The following NLRP8 variants were observed in gnomAD, a reference collection of about 807,000 sequenced individuals.
NLRP8 encodes the protein NLR family pyrin domain containing 8, also known as NACHT, LRR and PYD domains-containing protein 8.
In NLRP8, 86 loss-of-function variants were observed where a neutral mutation model predicts 88.7. The observed-to-expected ratio is 0.97, with a 90% CI of 0.81 to 1.16. The LOEUF (loss-of-function observed/expected upper bound fraction) is 1.16, where lower values mean the gene tolerates loss of function less well. NLRP8 is among the 50% of genes most tolerant of loss of function. The probability of loss-of-function intolerance (pLI) is 0.00; values close to 1 mark genes in which losing one functional copy is unlikely to be tolerated. For missense variants in NLRP8, 1,342 were observed against 1,286.5 expected, an observed-to-expected ratio of 1.04 and a Z score of -0.66; for synonymous variants, 504 against 494.6, an observed-to-expected ratio of 1.02 and a Z score of -0.25.
At chr19:55,977,071 C>A (rs1273176202) in intron 8 of NLRP8, among the ~76,000 whole-genome samples, 1 of 142,030 alleles carries the variant, frequency 7.0e-6, no homozygotes, top group Non-Finnish European at 1.5e-5. Context: ...CAGAGTGAGA[C>A]TCTGTCTCAA....
rs1288343245 is a variant in NLRP8 at position 55,970,465 on chromosome 19, A to G, written c.2382-79A>G. On this transcript the variant is annotated intron_variant, in intron 5 of 9. Transcript: ENST00000291971. ...TCTCTGCTGTGAAGACTGAGACATG[A>G]GACAGTGGAATCCAGGAGGTCCTAC... 2.0e-6 allele frequency: 3 copies of G among 1,494,236 alleles called. No individual in the cohort carries two copies. The African/African-American group carries it at 4.2e-5, about 21-fold the overall frequency. The allele number at this position is 1,494,236 out of a possible 1,614,324, so 92.6% of individuals were successfully genotyped here.
rs1264602164 is a variant in NLRP8 at position 55,986,462 on chromosome 19, ACTCT to A, written c.3048-1348_3048-1345del. Among the ~76,000 whole-genome samples the A allele has an allele frequency of 3.0e-3, 133 of 44,970 alleles. 1 individual carries two copies. The highest frequency in any genetic ancestry group is 0.013 in the Admixed American group (49 of 3,640). 29.5% of individuals were successfully genotyped at this position (44,970 alleles called of 152,430 possible). Reference sequence around the variant, plus strand: ...CATGCACTCTCTCTCTCACACACACACTCTCTCACATACACACACACACACACAC... The same window carrying A: ...CATGCACTCTCTCTCTCACACACACACTCACATACACACACACACACACAC... On this transcript the variant is annotated intron_variant, in intron 9 of 9. Coordinates refer to ENST00000291971, the MANE Select transcript of NLRP8 (RefSeq NM_176811.2).
intron 9 of NLRP8, among the ~76,000 whole-genome samples, chr19:55,982,661 G>C (rs751864838): frequency 2.6e-5 from 4 of 152,206 alleles, no homozygotes; most frequent in Non-Finnish European, 5.9e-5. Flanking sequence ...AGAACAATGG[G>C]GGCCAGGCCA....
chr19:55,953,357 AATAG>A (rs956986849), intron 2 of NLRP8, among the ~76,000 whole-genome samples: 2 of 152,184 alleles, frequency 1.3e-5, no homozygotes, highest in African/African-American at 4.8e-5. Flanking sequence ...ATGTAATAAT[AATAG>A]AAATAAAGTA....
chr19:55,962,176 C>G lies in NLRP8; in HGVS notation c.2152C>G (p.Pro718Ala). Residue 718 changes from proline to alanine, a missense_variant, in exon 4 of 10, where the codon CCT becomes GCT. Physicochemically the swap from Pro to Ala is conservative, Grantham distance 27 (BLOSUM62 -1). Transcript: ENST00000291971. The stretch of plus-strand genomic sequence containing the variant: ...TATGACCAACAGTGTTTTGGGGCCT[C>G]CTTTTTTGAAGGCTCTCGCGGCCGC... 1.2e-6 allele frequency: 2 copies of G among 1,614,156 alleles called. No individual in the cohort carries two copies. The highest frequency in any genetic ancestry group is 1.7e-6 in the Non-Finnish European group (2 of 1,180,016).
At chr19:55,970,760 G>T (rs1403517667) in intron 6 of NLRP8, 64 bp downstream of exon 6, 1 of 1,595,308 alleles carries the variant, frequency 6.3e-7, no homozygotes, top group Non-Finnish European at 8.6e-7. Context: ...GGTAGATTTA[G>T]TGCTTCTGTG....
At chr19:55,960,523 A>G (rs1384683723) in intron 3 of NLRP8, among the ~76,000 whole-genome samples, 3 of 152,180 alleles carry the variant, frequency 2.0e-5, no homozygotes, top group African/African-American at 2.4e-5. Context: ...AGTGAATCAC[A>G]ATGTCTTTCT....
At chr19:55,976,065 T>TTGTTGC (rs1980298094) in intron 7 of NLRP8, 68 bp from the exon 8 acceptor site, 2 of 1,171,260 alleles carry the variant, frequency 1.7e-6, no homozygotes, top group Middle Eastern at 2.3e-4. Flanking sequence ...GGTGTTTTCG[T>TTGTTGC]TGTTGTTGTT....
At chr19:55,968,828 G>C (rs111490833) in intron 5 of NLRP8, among the ~76,000 whole-genome samples, 80 of 152,270 alleles carry the variant, frequency 5.3e-4, no homozygotes, top group Non-Finnish European at 8.4e-4. Flanking sequence ...CACTCCAGAG[G>C]AGGCCCACGA....
chr19:55,954,980 C>G lies in NLRP8; in HGVS notation c.922C>G (p.Gln308Glu), dbSNP rs143237796. The change falls in exon 3 of 10, where the codon CAG (glutamine) becomes GAG (glutamate). Residue 308 changes from glutamine (Q) to glutamate (E), a missense_variant. By Grantham distance (29) the Gln-to-Glu change is conservative. Transcript: ENST00000291971. ...GGAGGACCTGAGTGAAGACTGGAGG[C>G]AGAAATTGCCTGGGTCTGTCCTACT... 2.7e-5 allele frequency: 44 copies of G among 1,613,980 alleles called. No individual in the cohort carries two copies. In the African/African-American group the frequency reaches 5.7e-4, roughly 21 times the overall value.
At chr19:55,984,429 G>A (rs1980710983) in intron 9 of NLRP8, among the ~76,000 whole-genome samples, 1 of 144,042 alleles carries the variant, frequency 6.9e-6, no homozygotes, top group Admixed American at 7.4e-5. Context: ...CCGAAGCGGG[G>A]GGATCACCTG....
chr19:55,953,009 G>A (rs952438129), intron 2 of NLRP8, among the ~76,000 whole-genome samples: 16 of 152,266 alleles, frequency 1.1e-4, no homozygotes, highest in Middle Eastern at 6.8e-3. Flanking sequence ...ACCAGTCTGT[G>A]GCCTGTTAGG....
intron 5 of NLRP8, 59 bp downstream of exon 5, chr19:55,966,439 G>T: frequency 1.3e-6 from 2 of 1,515,540 alleles, no homozygotes; most frequent in Non-Finnish European, 1.8e-6. Flanking sequence ...TCTTTTCAAG[G>T]GCGGTGATGA....
At chr19:55,957,703 A>T (rs1331879913) in intron 3 of NLRP8, among the ~76,000 whole-genome samples, 1 of 50,756 alleles carries the variant, frequency 2.0e-5, no homozygotes, top group African/African-American at 5.8e-5. Flanking sequence ...ATATATATAT[A>T]TATATATATA....
rs374511835 is a variant in NLRP8 at position 55,955,969 on chromosome 19, C to G, written c.1911C>G (p.Gly637=). ...ATCATAAAGTTGTCTTGAGAATTGG[C>G]AACAACAAAGAAGTTCAAGTGTCTG... The change falls in exon 3 of 10, where the codon GGC becomes GGG. Residue 637 remains glycine (G), a synonymous_variant. Transcript: ENST00000291971. 4.8e-5 allele frequency: 78 copies of G among 1,614,044 alleles called. No homozygotes were observed. The highest frequency in any genetic ancestry group is 6.4e-5 in the Non-Finnish European group (76 of 1,180,036).
intron 8 of NLRP8, among the ~76,000 whole-genome samples, chr19:55,978,457 G>C (rs562688508): frequency 6.6e-6 from 1 of 152,200 alleles, no homozygotes; most frequent in South Asian, 2.1e-4. Context: ...TGGAGGGGCT[G>C]CATCTGGTGA....
At chr19:55,951,079 AAAAAAAT>A (rs1217139100) in intron 1 of NLRP8, among the ~76,000 whole-genome samples, 2 of 152,126 alleles carry the variant, frequency 1.3e-5, no homozygotes, top group Non-Finnish European at 2.9e-5. Context: ...CTTAGTCTCA[AAAAAAAT>A]AAGAATAAAA....
intron 2 of NLRP8, among the ~76,000 whole-genome samples, chr19:55,954,209 T>A (rs1185043611): frequency 6.6e-6 from 1 of 152,196 alleles, no homozygotes; most frequent in African/African-American, 2.4e-5. Context: ...AGAATCGTGA[T>A]GCTGCTGGAC....
In NLRP8 at chr19:55,955,011, G is replaced by A. The variant is rs1979271490; in HGVS notation, c.953G>A (p.Ser318Asn). ...TTGCCTGGGTCTGTCCTACTGAGCA[G>A]TTTGCTGAGCAAAACGATGCTTCCA... Residue 318 changes from serine (S) to asparagine (N), a missense_variant, in exon 3 of 10, where the codon AGT becomes AAT. Ser to Asn is a conservative substitution (Grantham distance 46). Transcript: ENST00000291971. 7 of 1,614,148 alleles carry A rather than the reference G, an allele frequency of 4.3e-6. No individual in the cohort carries two copies. Among genetic ancestry groups the A allele is most frequent in the Non-Finnish European group, 5.9e-6 (7 of 1,180,040 alleles).
Sources: gnomAD v4.1 joint callset for allele counts (sites outside exome capture counted in the v4.1 genomes callset) on GRCh38, gnomAD v4.1.1 for gene constraint, MANE v1.5 for transcripts, NCBI Gene and HGNC (gene_info 2026-07-23, HGNC 2026-07-21) for gene names.